The following PARD3B variants were observed in gnomAD, a reference collection of about 807,000 sequenced individuals.
PARD3B encodes par-3 family cell polarity regulator beta, also known as partitioning defective 3 homolog B.
A neutral mutation model predicts 130.2 loss-of-function variants in PARD3B; 103 were observed. That is an observed-to-expected ratio of 0.79 (90% CI 0.67 to 0.93). The LOEUF (loss-of-function observed/expected upper bound fraction) is 0.93. Among genes scored for constraint, PARD3B ranks in the 40% least tolerant of loss-of-function variants. PARD3B has a pLI of 0.00. For missense variants in PARD3B, 1,609 were observed against 1,499.2 expected (o/e 1.07, Z -1.21); for synonymous variants, 583 against 553.2 (o/e 1.05, Z -0.76).
intron 18 of PARD3B, among the ~76,000 whole-genome samples, chr2:205,334,215 C>T (rs1173135098): frequency 6.6e-6 from 1 of 152,152 alleles, no homozygotes; most frequent in East Asian, 1.9e-4. Flanking sequence ...TGTGCATGTG[C>T]TCGTGCATGT....
intron 2 of PARD3B, among the ~76,000 whole-genome samples, chr2:204,785,975 G>A (rs144731647): frequency 6.6e-6 from 1 of 151,942 alleles, no homozygotes; most frequent in African/African-American, 2.4e-5. Flanking sequence ...ATAGCTGGGC[G>A]TAGGGGTGGG....
chr2:205,042,827 C>T (rs1698485642), intron 3 of PARD3B, among the ~76,000 whole-genome samples: 1 of 151,248 alleles, frequency 6.6e-6, no homozygotes, highest in Non-Finnish European at 1.5e-5. Flanking sequence ...TATCCTCATC[C>T]CTTCTCCCTG....
chr2:205,389,819 A>G (rs761076721), intron 18 of PARD3B, among the ~76,000 whole-genome samples: 1 of 152,228 alleles, frequency 6.6e-6, no homozygotes, highest in Non-Finnish European at 1.5e-5. Flanking sequence ...GATAGACATC[A>G]TGTTTTTTAT....
At chr2:205,081,016 T>C (rs150406850) in intron 4 of PARD3B, among the ~76,000 whole-genome samples, 35 of 151,416 alleles carry the variant, frequency 2.3e-4, no homozygotes, top group African/African-American at 7.8e-4. Context: ...TTTCTTTATA[T>C]ATTCTCTGTT....
At chr2:205,522,156 T>G (rs947359622) in intron 21 of PARD3B, among the ~76,000 whole-genome samples, 3 of 151,624 alleles carry the variant, frequency 2.0e-5, no homozygotes, top group African/African-American at 7.3e-5. Context: ...ATTTTTACAT[T>G]TATTTTTACT....
chr2:204,680,955 T>C (rs1003413978), intron 1 of PARD3B, among the ~76,000 whole-genome samples: 3 of 152,134 alleles, frequency 2.0e-5, no homozygotes, highest in African/African-American at 7.2e-5. Context: ...ATAATACAAA[T>C]AAGTTAGGCT....
intron 20 of PARD3B, among the ~76,000 whole-genome samples, chr2:205,487,935 AAAC>A (rs1249635371): frequency 6.6e-6 from 1 of 152,220 alleles, no homozygotes; most frequent in African/African-American, 2.4e-5. Context: ...AGTACCATCT[AAAC>A]AACATTTTAT....
At chr2:205,047,488 T>A (rs1698880222) in intron 3 of PARD3B, 93 bp from the exon 4 acceptor site, 2 of 648,358 alleles carry the variant, frequency 3.1e-6, no homozygotes, top group Admixed American at 6.8e-5. Context: ...CATAAAAGCC[T>A]GTTGTAAACC....
intron 9 of PARD3B, among the ~76,000 whole-genome samples, chr2:205,124,823 C>G (rs190278366): frequency 2.7e-4 from 41 of 152,294 alleles, no homozygotes; most frequent in Admixed American, 5.2e-4. Context: ...TTGTAATAGT[C>G]TTTTCAAACT....
intron 3 of PARD3B, among the ~76,000 whole-genome samples, chr2:204,965,984 A>T (rs1691205509): frequency 1.3e-5 from 2 of 152,132 alleles, no homozygotes; most frequent in Admixed American, 1.3e-4. Context: ...AAAATCCACT[A>T]ATATCTTGGT....
chr2:205,147,908 A>G (rs2033478997), intron 10 of PARD3B, among the ~76,000 whole-genome samples: 1 of 152,136 alleles, frequency 6.6e-6, no homozygotes, highest in African/African-American at 2.4e-5. Context: ...TTGAATTTTG[A>G]GTTAACTCTC....
At chr2:204,998,294 T>C (rs1459282603) in intron 3 of PARD3B, among the ~76,000 whole-genome samples, 1 of 135,850 alleles carries the variant, frequency 7.4e-6, no homozygotes, top group Non-Finnish European at 1.6e-5. Flanking sequence ...ATTCTGCACA[T>C]GTATCCCAGA....
intron 15 of PARD3B, among the ~76,000 whole-genome samples, chr2:205,202,238 A>G (rs559831887): frequency 2.0e-5 from 3 of 152,336 alleles, no homozygotes; most frequent in South Asian, 4.1e-4. Context: ...AACTTGATCA[A>G]TATTTCAGAT....
intron 2 of PARD3B, among the ~76,000 whole-genome samples, chr2:204,715,727 G>A (rs984854060): frequency 6.6e-6 from 1 of 152,116 alleles, no homozygotes; most frequent in Admixed American, 6.5e-5. Flanking sequence ...TGAGGCATCT[G>A]CTTACTGCTG....
intron 5 of PARD3B, among the ~76,000 whole-genome samples, chr2:205,106,220 T>C (rs1014266019): frequency 6.6e-6 from 1 of 152,130 alleles, no homozygotes; most frequent in Non-Finnish European, 1.5e-5. Context: ...TGATCTCGGC[T>C]CACCGCAACC....
At chr2:205,579,918 T>C (rs2053903494) in intron 22 of PARD3B, among the ~76,000 whole-genome samples, 1 of 152,212 alleles carries the variant, frequency 6.6e-6, no homozygotes, top group African/African-American at 2.4e-5. Flanking sequence ...TTGGACTGTG[T>C]ATCATTGTAT....
In PARD3B at chr2:205,615,986, G is replaced by C; in HGVS notation, c.*173G>C. 1.6e-6 allele frequency: 1 copy of C among 610,620 alleles called. No individual in the cohort carries two copies. Among genetic ancestry groups the C allele is most frequent in the Non-Finnish European group, 2.7e-6 (1 of 366,242 alleles). The allele number at this position is 610,620 out of a possible 1,614,324, so 37.8% of individuals were successfully genotyped here. A position where few individuals can be genotyped will look rare whatever the true frequency, so the allele number is the denominator to read the frequency against. Reference sequence around the variant, plus strand: ...AATCAGAGAGAAAAAGAAGGGGAAGGGAATTGGGGAGGAAAAAAAATCAGA... The same window carrying C: ...AATCAGAGAGAAAAAGAAGGGGAAGCGAATTGGGGAGGAAAAAAAATCAGA... On this transcript the variant is annotated 3_prime_UTR_variant, in exon 23 of 23. Coordinates refer to ENST00000406610, the MANE Select transcript of PARD3B (RefSeq NM_001302769.2).
At chr2:204,918,474 C>G (rs1443012464) in intron 2 of PARD3B, among the ~76,000 whole-genome samples, 1 of 151,620 alleles carries the variant, frequency 6.6e-6, no homozygotes, top group African/African-American at 2.4e-5. Context: ...ACTAAAAATA[C>G]AAAAAATTAA....
Position 205,442,290 on chromosome 2 carries a change from C to CTTTTTTT in PARD3B, c.3044+1638_3044+1644dup, listed in dbSNP as rs71410814. On this transcript the variant is annotated intron_variant, in intron 20 of 22. Coordinates refer to ENST00000406610, the MANE Select transcript of PARD3B (RefSeq NM_001302769.2). ...GGTAAGCCACAAGGAACAGGTTTTC[C>CTTTTTTT]TTTTTTTTTTTTTTTTTTTTTTTTT... 6.4e-4 allele frequency among the ~76,000 whole-genome samples: 68 copies of CTTTTTTT among 105,992 alleles called. 3 individuals carry two copies. The highest frequency in any genetic ancestry group is 3.6e-3 in the East Asian group (15 of 4,212). The allele number at this position is 105,992 out of a possible 152,430, so 69.5% of individuals were successfully genotyped here.
Sources: gnomAD v4.1 joint callset for allele counts (sites outside exome capture counted in the v4.1 genomes callset) on GRCh38, gnomAD v4.1.1 for gene constraint, MANE v1.5 for transcripts, NCBI Gene and HGNC (gene_info 2026-07-23, HGNC 2026-07-21) for gene names.